Variants in NAA20 observed in about 807,000 individuals in gnomAD.
The protein encoded by NAA20 is N-alpha-acetyltransferase 20, NatB catalytic subunit, also known as N-alpha-acetyltransferase 20.
A neutral mutation model predicts 23.8 loss-of-function variants in NAA20; 24 were observed. The ratio of observed to expected loss-of-function variants is 1.01; its 90% CI spans 0.73 to 1.42. NAA20 has a LOEUF of 1.42. Among genes scored for constraint, NAA20 ranks in the 40% most tolerant of loss-of-function variants. NAA20 has a pLI of 0.00. For missense variants in NAA20, 166 were observed against 223.1 expected, an observed-to-expected ratio of 0.74 and a Z score of 1.63; for synonymous variants, 83 against 77.7, an observed-to-expected ratio of 1.07 and a Z score of -0.36.
At chr20:20,017,969 C>G in intron 1 of NAA20, 1 of 1,614,000 alleles carries the variant, frequency 6.2e-7, no homozygotes, top group Non-Finnish European at 8.5e-7. Flanking sequence ...ACCTGGTGGC[C>G]GTGGTTAAAT....
intron 4 of NAA20, among the ~76,000 whole-genome samples, chr20:20,029,064 G>C (rs942908933): frequency 1.3e-5 from 2 of 152,020 alleles, no homozygotes; most frequent in African/African-American, 4.8e-5. Flanking sequence ...GAGTAGCTGG[G>C]ATTACAGGCG....
Position 20,019,391 on chromosome 20 carries a change from G to A in NAA20, c.53+1942G>A, listed in dbSNP as rs116678329. Among the ~76,000 whole-genome samples, 1,404 of 152,274 alleles carry A rather than the reference G, an allele frequency of 9.2e-3. 30 individuals are homozygous for A. Among genetic ancestry groups the A allele is most frequent in the African/African-American group, 0.032 (1,347 of 41,538 alleles). On this transcript the variant is annotated intron_variant, in intron 1 of 5. Coordinates refer to ENST00000334982, the MANE Select transcript of NAA20 (RefSeq NM_016100.5). ...GAGGTGCAGCATGGGAGGTGACAGG[G>A]TGCCTTGAAGCTTCAAGAAAAGGCA...
intron 2 of NAA20, among the ~76,000 whole-genome samples, chr20:20,024,976 AAAG>A (rs920430647): frequency 1.4e-4 from 22 of 152,344 alleles, no homozygotes; most frequent in Admixed American, 5.2e-4. Context: ...TACAGAGTAA[AAAG>A]AAGAAGAGAA....
At chr20:20,029,778 T>C (rs948887967) in intron 4 of NAA20, among the ~76,000 whole-genome samples, 1 of 152,134 alleles carries the variant, frequency 6.6e-6, no homozygotes, top group African/African-American at 2.4e-5. Flanking sequence ...AACAATGAGA[T>C]AGAAATTTGT....
chr20:20,029,297 C>T (rs1482720447), intron 4 of NAA20, among the ~76,000 whole-genome samples: 1 of 151,950 alleles, frequency 6.6e-6, no homozygotes, highest in East Asian at 1.9e-4. Context: ...AAAAGGGTCA[C>T]TGCATATTGA....
intron 1 of NAA20, chr20:20,018,392 C>T (rs750529957): frequency 9.1e-5 from 26 of 284,464 alleles, no homozygotes; most frequent in Non-Finnish European, 1.6e-4. Flanking sequence ...AACAACAGGG[C>T]GGTATGTGAA....
At chr20:20,029,478 G>A (rs1380701077) in intron 4 of NAA20, among the ~76,000 whole-genome samples, 1 of 152,002 alleles carries the variant, frequency 6.6e-6, no homozygotes, top group Non-Finnish European at 1.5e-5. Flanking sequence ...TTAGCCGGGT[G>A]TGGTAGCACG....
Position 20,032,590 on chromosome 20 carries a change from G to C in NAA20, c.388G>C (p.Val130Leu). The change falls in exon 5 of 6, where the codon GTA becomes CTA. Residue 130 changes from valine (V) to leucine (L), a missense_variant. By Grantham distance (32) the Val-to-Leu change is conservative. Transcript: ENST00000334982. ...VNMYKQLGYS[V>L]YRTVIEYYSA... ...CATGTACAAGCAGTTGGGCTACAGTGTATATAGGACGGTCATAGAGTACTA... is the reference window on the plus strand; with the variant it reads ...CATGTACAAGCAGTTGGGCTACAGTCTATATAGGACGGTCATAGAGTACTA... 6.2e-7 allele frequency: 1 copy of C among 1,613,710 alleles called. No homozygotes were observed. The highest frequency in any genetic ancestry group is 1.1e-5 in the South Asian group (1 of 91,018).
At position 20,017,378 on chromosome 20, in the gene NAA20, C is replaced by G; in HGVS notation, c.-19C>G. Reference sequence around the variant, plus strand: ...GCGCGGGGTCTTGGCGAACGGTCTTCGGAAGCGGCGGCGGCGCGATGACCA... The same window carrying G: ...GCGCGGGGTCTTGGCGAACGGTCTTGGGAAGCGGCGGCGGCGCGATGACCA... On this transcript the variant is annotated 5_prime_UTR_variant, in exon 1 of 6. Coordinates refer to ENST00000334982, the MANE Select transcript of NAA20 (RefSeq NM_016100.5). 1 of 1,611,002 alleles carries G rather than the reference C, an allele frequency of 6.2e-7. No individual in the cohort carries two copies. The highest frequency in any genetic ancestry group is 8.5e-7 in the Non-Finnish European group (1 of 1,179,192).
chr20:20,018,855 G>A (rs2043249413), intron 1 of NAA20: 4 of 984,732 alleles, frequency 4.1e-6, no homozygotes, highest in South Asian at 4.7e-5. Context: ...GCAAGCACAA[G>A]TGAATTGGCC....
Position 20,032,534 on chromosome 20 carries a change from T to C in NAA20, c.332T>C (p.Phe111Ser). Residue 111 changes from phenylalanine (F) to serine (S), a missense_variant, in exon 5 of 6, where the codon TTT (phenylalanine) becomes TCT (serine). Coordinates refer to ENST00000334982, the MANE Select transcript of NAA20 (RefSeq NM_016100.5). ...AAGGGTGGATTTTTTGTGGATCTCT[T>C]TGTAAGAGTATCTAACCAAGTTGCA... is the stretch of plus-strand genomic sequence containing the variant. ...ERKGGFFVDL[F>S]VRVSNQVAVN... 6.2e-7 allele frequency: 1 copy of C among 1,613,298 alleles called. No individual in the cohort carries two copies. Among genetic ancestry groups the C allele is most frequent in the Non-Finnish European group, 8.5e-7 (1 of 1,179,602 alleles).
chr20:20,018,172 C>A (rs1463797038), intron 1 of NAA20: 1 of 1,339,394 alleles, frequency 7.5e-7, no homozygotes, highest in South Asian at 1.2e-5. Flanking sequence ...TCTTTGGATT[C>A]GAGTTAAGGC....
Position 20,022,454 on chromosome 20 carries a change from A to G in NAA20, c.54-2A>G. The G allele has an allele frequency of 6.9e-6, 11 of 1,589,438 alleles. No homozygotes were observed. The highest frequency in any genetic ancestry group is 9.4e-6 in the Non-Finnish European group (11 of 1,171,218). On this transcript the variant is annotated splice_acceptor_variant, in intron 1 of 5. Transcript: ENST00000334982. LOFTEE classifies it high-confidence loss of function. ...TAGAGACATTTCTCTTGTTTCTTTC[A>G]GTAACTTGGATCCACTTACAGAAAC... is the stretch of plus-strand genomic sequence containing the variant.
chr20:20,017,545 C>A, intron 1 of NAA20, 96 bp downstream of exon 1: 1 of 1,468,182 alleles, frequency 6.8e-7, no homozygotes, highest in South Asian at 1.3e-5. Flanking sequence ...CGGCCGGACC[C>A]CAAGCCCGGA....
intron 1 of NAA20, among the ~76,000 whole-genome samples, chr20:20,021,328 C>T (rs2043266955): frequency 6.6e-6 from 1 of 152,178 alleles, no homozygotes; most frequent in Admixed American, 6.5e-5. Context: ...ATCTTTTCCA[C>T]TGTCATTCCC....
At chr20:20,024,235 A>G (rs974786224) in intron 2 of NAA20, among the ~76,000 whole-genome samples, 1 of 152,246 alleles carries the variant, frequency 6.6e-6, no homozygotes, top group Non-Finnish European at 1.5e-5. Context: ...CACAACAATC[A>G]GGAGATGGTT....
chr20:20,026,525 A>G (rs1201603779), intron 3 of NAA20, among the ~76,000 whole-genome samples: 1 of 146,648 alleles, frequency 6.8e-6, no homozygotes, highest in East Asian at 1.9e-4. Context: ...TTTTTTTTTC[A>G]AAATTAGTTG....
rs868284791 is a variant in NAA20, at chr20:20,029,008, C to T, written c.305+2089C>T. The stretch of plus-strand genomic sequence containing the variant: ...GCAGTGGCGTGATCTCAGCTCACTG[C>T]AACGTCTGCCTCCCAGGCTCAAATG... On this transcript the variant is annotated intron_variant, in intron 4 of 5. Coordinates refer to ENST00000334982, the MANE Select transcript of NAA20 (RefSeq NM_016100.5). 9.2e-5 allele frequency among the ~76,000 whole-genome samples: 14 copies of T among 152,228 alleles called. No homozygotes were observed. The South Asian group carries it at 1.2e-3, about 14-fold the overall frequency.
At chr20:20,021,041 G>T (rs56165208) in intron 1 of NAA20, among the ~76,000 whole-genome samples, 26 of 28,064 alleles carry the variant, frequency 9.3e-4, no homozygotes, top group African/African-American at 1.4e-3. Context: ...CGGTGGGCGG[G>T]GGGGGGGGGG....
Sources: allele counts gnomAD v4.1 joint callset (sites outside exome capture counted in the v4.1 genomes callset), GRCh38; gene constraint gnomAD v4.1.1; transcripts MANE v1.5; gene names NCBI Gene and HGNC (gene_info 2026-07-23, HGNC 2026-07-21).